Variants in FBXO42 observed in about 807,000 individuals in gnomAD.
The protein encoded by FBXO42 is F-box only protein 42.
In FBXO42, 12 loss-of-function variants were observed where a neutral mutation model predicts 71.7. The ratio of observed to expected loss-of-function variants is 0.17; its 90% confidence interval spans 0.11 to 0.27. The LOEUF is 0.27. Ranked by LOEUF, FBXO42 falls within the 10% of genes least tolerant of loss-of-function variation. The pLI is 1.00. For missense variants in FBXO42, 707 were observed against 911.9 expected, an observed-to-expected ratio of 0.78 and a Z score of 2.89; for synonymous variants, 325 against 327.5, an observed-to-expected ratio of 0.99 and a Z score of 0.08.
intron 3 of FBXO42, among the ~76,000 whole-genome samples, chr1:16,303,240 C>T (rs576456362): frequency 3.9e-5 from 6 of 152,286 alleles, no homozygotes; most frequent in Non-Finnish European, 8.8e-5. Flanking sequence ...AGCACACTAA[C>T]GCTGAAGCTT....
Position 16,248,968 on chromosome 1 carries a change from T to C in FBXO42, c.*1702A>G, listed in dbSNP as rs2081562348. 1 of 152,268 alleles carries C rather than the reference T, an allele frequency of 6.6e-6. No individual in the cohort carries two copies. The highest frequency in any genetic ancestry group is 2.1e-4 in the South Asian group (1 of 4,836). 9.4% of individuals were successfully genotyped at this position (152,268 alleles called of 1,614,324 possible). On this transcript the variant is annotated 3_prime_UTR_variant, in exon 10 of 10. Coordinates refer to ENST00000375592, the MANE Select transcript of FBXO42 (RefSeq NM_018994.3). ...GATGTAACAGGAGAAAACACACTTATCAGTACACTTAGGCTGCCAGATGCT... is the reference window on the plus strand; with the variant it reads ...GATGTAACAGGAGAAAACACACTTACCAGTACACTTAGGCTGCCAGATGCT...
intron 4 of FBXO42, among the ~76,000 whole-genome samples, chr1:16,270,242 C>T (rs1413013014): frequency 6.6e-6 from 1 of 152,108 alleles, no homozygotes; most frequent in African/African-American, 2.4e-5. Context: ...GCTGTCATGA[C>T]CCAAACACCT....
chr1:16,336,174 G>A (rs1406909591), intron 1 of FBXO42, among the ~76,000 whole-genome samples: 1 of 151,826 alleles, frequency 6.6e-6, no homozygotes, highest in Admixed American at 6.6e-5. Flanking sequence ...CTGACCTCAG[G>A]TGACCTGCCT....
Position 16,333,446 on chromosome 1 carries a change from C to CGG in FBXO42, c.-17-18012_-17-18011insCC, listed in dbSNP as rs1553155453. Among the ~76,000 whole-genome samples, 44 of 140,748 alleles carry CGG rather than the reference C, an allele frequency of 3.1e-4. 2 individuals are homozygous for CGG. Among genetic ancestry groups the CGG allele is most frequent in the Non-Finnish European group, 5.7e-4 (37 of 64,414 alleles). The allele number at this position is 140,748 out of a possible 152,430, so 92.3% of individuals were successfully genotyped here. ...TGGGCAAATAGTGAGACCCCCCCCCCCCATTTCCAAGAAGAAAAAAAAAAT... is the reference window on the plus strand; with the variant it reads ...TGGGCAAATAGTGAGACCCCCCCCCCGGCCATTTCCAAGAAGAAAAAAAAAAT... On this transcript the variant is annotated intron_variant, in intron 1 of 9. Transcript: ENST00000375592.
At chr1:16,342,520 C>G (rs1269975105) in intron 1 of FBXO42, among the ~76,000 whole-genome samples, 2 of 148,884 alleles carry the variant, frequency 1.3e-5, no homozygotes, top group Admixed American at 1.4e-4. Flanking sequence ...GAGGTCAATG[C>G]TGGAGTAAAC....
intron 4 of FBXO42, among the ~76,000 whole-genome samples, chr1:16,272,313 G>A (rs2100478449): frequency 6.6e-6 from 1 of 151,600 alleles, no homozygotes; most frequent in East Asian, 2.0e-4. Flanking sequence ...AGGCTGGAGT[G>A]CAATGGCACG....
chr1:16,256,121 A>G (rs2100433616), intron 5 of FBXO42, among the ~76,000 whole-genome samples: 2 of 152,324 alleles, frequency 1.3e-5, no homozygotes, highest in South Asian at 4.1e-4. Flanking sequence ...GCCACCTGCT[A>G]CCTTTCCCTA....
intron 1 of FBXO42, among the ~76,000 whole-genome samples, chr1:16,335,765 G>A (rs998611855): frequency 6.6e-6 from 1 of 151,136 alleles, no homozygotes; most frequent in African/African-American, 2.4e-5. Flanking sequence ...TACTAAGGAG[G>A]CTGAGGCAGG....
intron 1 of FBXO42, among the ~76,000 whole-genome samples, chr1:16,328,834 AAAGT>A (rs2100603597): frequency 6.6e-6 from 1 of 152,274 alleles, no homozygotes; most frequent in East Asian, 1.9e-4. Flanking sequence ...GTACTGCCAC[AAAGT>A]AAGGAAGTGC....
chr1:16,275,630 C>T (rs767462596), intron 4 of FBXO42, among the ~76,000 whole-genome samples: 14 of 151,976 alleles, frequency 9.2e-5, no homozygotes, highest in Non-Finnish European at 1.5e-4. Flanking sequence ...TACCCAAAAA[C>T]AGAAAAGGAA....
intron 1 of FBXO42, among the ~76,000 whole-genome samples, chr1:16,350,956 A>T (rs2082698488): frequency 6.6e-6 from 1 of 152,164 alleles, no homozygotes; most frequent in Non-Finnish European, 1.5e-5. Context: ...ACAATAGAAA[A>T]GACACCCAAT....
At chr1:16,304,330 G>A (rs1288781300) in intron 3 of FBXO42, among the ~76,000 whole-genome samples, 1 of 151,372 alleles carries the variant, frequency 6.6e-6, no homozygotes, top group East Asian at 1.9e-4. Context: ...TGTTGGCCAG[G>A]CTGGTCTCAA....
At chr1:16,287,713 G>A (rs1325512082) in intron 4 of FBXO42, among the ~76,000 whole-genome samples, 1 of 152,164 alleles carries the variant, frequency 6.6e-6, no homozygotes, top group Non-Finnish European at 1.5e-5. Context: ...GCCTCCTGAA[G>A]TGCTAGGATT....
intron 6 of FBXO42, among the ~76,000 whole-genome samples, chr1:16,255,355 T>C (rs1402322981): frequency 6.6e-6 from 1 of 151,656 alleles, no homozygotes; most frequent in African/African-American, 2.4e-5. Context: ...TTTTTTTTCC[T>C]TAAGAGTCTC....
rs1001875199 is a variant in FBXO42, at chr1:16,250,968, C to T, written c.1856G>A (p.Arg619His). The T allele has an allele frequency of 3.1e-6, 5 of 1,614,030 alleles. No homozygotes were observed. The highest frequency in any genetic ancestry group is 1.3e-5 in the African/African-American group (1 of 74,896). Residue 619 changes from arginine (R) to histidine (H), a missense_variant, in exon 10 of 10, where the codon CGC becomes CAC. Transcript: ENST00000375592. The surrounding 1 kb of genome is among the most constrained non-coding windows in gnomAD (Gnocchi z 4.7). ...CTGTGGAGGGTGGTGGCCCAGGCGG[C>T]GAGCAATGGGAGGTAAGGAATGTCC... Reference protein sequence around the residue: ...GDGHSLPPIARRLGHHPPQSL... With the variant: ...GDGHSLPPIAHRLGHHPPQSL...
intron 1 of FBXO42, among the ~76,000 whole-genome samples, chr1:16,333,578 C>T (rs1364486014): frequency 1.3e-5 from 2 of 151,910 alleles, no homozygotes; most frequent in South Asian, 2.1e-4. Flanking sequence ...CAGTGCAAGA[C>T]GATCTCTTAA....
intron 3 of FBXO42, among the ~76,000 whole-genome samples, chr1:16,302,932 G>A (rs1270776578): frequency 2.0e-5 from 3 of 152,138 alleles, no homozygotes; most frequent in African/African-American, 7.2e-5. Context: ...TGACACATGG[G>A]GATTACCACT....
rs527475077 is a variant in FBXO42 at position 16,250,474 on chromosome 1, AATATAT to A, written c.*190_*195del. 1 of 167,930 alleles carries A rather than the reference AATATAT, an allele frequency of 6.0e-6. No homozygotes were observed. The highest frequency in any genetic ancestry group is 2.4e-5 in the African/African-American group (1 of 40,826). 10.4% of individuals were successfully genotyped at this position (167,930 alleles called of 1,614,324 possible). A position where few individuals can be genotyped will look rare whatever the true frequency, so the allele number is the denominator to read the frequency against. On this transcript the variant is annotated 3_prime_UTR_variant, in exon 10 of 10. Transcript: ENST00000375592. The surrounding 1 kb of genome is among the most constrained non-coding windows in gnomAD (Gnocchi z 4.7). ...TTTTTGTCAACAGAGTTGGCTATAT[AATATAT>A]ATATATATATTTATATATAATTTTT...
In FBXO42 at chr1:16,251,927, G is replaced by A; in HGVS notation, c.1039-142C>T. 2.8e-6 allele frequency: 3 copies of A among 1,085,284 alleles called. No homozygotes were observed. Among genetic ancestry groups the A allele is most frequent in the Non-Finnish European group, 2.6e-6 (2 of 773,586 alleles). The allele number at this position is 1,085,284 out of a possible 1,614,324, so 67.2% of individuals were successfully genotyped here. A position where few individuals can be genotyped will look rare whatever the true frequency, so the allele number is the denominator to read the frequency against. On this transcript the variant is annotated intron_variant, in intron 9 of 9. Coordinates refer to ENST00000375592, the MANE Select transcript of FBXO42 (RefSeq NM_018994.3). The surrounding 1 kb of genome is among the most constrained non-coding windows in gnomAD (Gnocchi z 4.5). Reference sequence around the variant, plus strand: ...TATGAAGATGAAAATGATGTAGTCTGCCCTCTAGGCTAGAAGTCAGACATG... The same window carrying A: ...TATGAAGATGAAAATGATGTAGTCTACCCTCTAGGCTAGAAGTCAGACATG...
Sources: allele counts gnomAD v4.1 joint callset (sites outside exome capture counted in the v4.1 genomes callset), GRCh38; gene constraint gnomAD v4.1.1; non-coding constraint Gnocchi (gnomAD v3.1); transcripts MANE v1.5; gene names NCBI Gene and HGNC (gene_info 2026-07-23, HGNC 2026-07-21).